CES5A: variants seen among roughly 807,000 people sequenced by gnomAD.
CES5A encodes carboxylesterase 5A.
Under a neutral mutation model 62.9 loss-of-function variants are expected in CES5A, and 67 were observed. That is an observed-to-expected ratio of 1.07 (90% CI 0.88 to 1.31). CES5A has a LOEUF of 1.31. CES5A is among the 50% of genes most tolerant of loss of function. The probability of loss-of-function intolerance (pLI) is 0.00; values close to 1 mark genes in which losing one functional copy is unlikely to be tolerated. For missense variants in CES5A, 748 were observed against 708.5 expected, an observed-to-expected ratio of 1.06 and a Z score of -0.63; for synonymous variants, 296 against 280.8, an observed-to-expected ratio of 1.05 and a Z score of -0.54.
chr16:55,875,820 C>T (rs749103862), upstream of CES5A, among the ~76,000 whole-genome samples: 4 of 152,140 alleles, frequency 2.6e-5, no homozygotes, highest in African/African-American at 4.8e-5. Context: ...TAGTTGCCAC[C>T]GAAAAGATTC....
intron 1 of CES5A, among the ~76,000 whole-genome samples, chr16:55,915,603 C>A (rs1393606927): frequency 6.6e-6 from 1 of 152,088 alleles, no homozygotes; most frequent in Non-Finnish European, 1.5e-5. Context: ...ATTGTGCTAA[C>A]AACAAGGTCT....
chr16:55,937,411 A>T (rs2034388142), intron 2 of CES5A, among the ~76,000 whole-genome samples: 4 of 152,164 alleles, frequency 2.6e-5, no homozygotes, highest in Admixed American at 2.6e-4. Flanking sequence ...AGGCTTACCT[A>T]AAGGCCTCCA....
upstream of CES5A, among the ~76,000 whole-genome samples, chr16:55,925,860 T>G (rs1157786112): frequency 6.6e-6 from 1 of 151,922 alleles, no homozygotes. Context: ...ACCTACAGAA[T>G]AGGAGAAAAT....
chr16:55,883,727 A>G (rs920366828), intron 1 of CES5A, among the ~76,000 whole-genome samples: 15 of 152,254 alleles, frequency 9.9e-5, no homozygotes, highest in East Asian at 3.9e-4. Context: ...CGCTTCCCCA[A>G]TGTGATAGCT....
chr16:55,870,696 C>T (rs1323282682), intron 3 of CES5A, among the ~76,000 whole-genome samples: 2 of 151,138 alleles, frequency 1.3e-5, no homozygotes, highest in Non-Finnish European at 3.0e-5. Flanking sequence ...AGACTCTGTC[C>T]CAAAAAAAAG....
chr16:55,892,706 TAACAAC>T (rs1164246246), intron 1 of CES5A, among the ~76,000 whole-genome samples: 5 of 140,346 alleles, frequency 3.6e-5, no homozygotes, highest in Admixed American at 1.4e-4. Flanking sequence ...GCTCACACTC[TAACAAC>T]AACAACAACA....
intron 1 of CES5A, among the ~76,000 whole-genome samples, chr16:55,955,005 G>T (rs1375807608): frequency 6.6e-6 from 1 of 152,140 alleles, no homozygotes; most frequent in Non-Finnish European, 1.5e-5. Flanking sequence ...TTGTCCAAAT[G>T]TCCTCCAAAG....
intron 8 of CES5A, among the ~76,000 whole-genome samples, chr16:55,856,936 G>A (rs1376035284): frequency 6.6e-6 from 1 of 152,230 alleles, no homozygotes; most frequent in Non-Finnish European, 1.5e-5. Flanking sequence ...CTAGAACTGT[G>A]AGAACATGAA....
chr16:55,880,340 A>G (rs2033748269), upstream of CES5A, among the ~76,000 whole-genome samples: 1 of 152,198 alleles, frequency 6.6e-6, no homozygotes, highest in South Asian at 2.1e-4. Context: ...GGAACCCTCA[A>G]CAGAAGGGTC....
At chr16:55,873,255 C>CT (rs1325120435) in intron 2 of CES5A, among the ~76,000 whole-genome samples, 1 of 152,158 alleles carries the variant, frequency 6.6e-6, no homozygotes, top group Admixed American at 6.5e-5. Context: ...CCAGGAGCTC[C>CT]TTACCTCCCA....
rs558769119 is a variant in CES5A, at chr16:55,909,099, A to G, written c.-256+16224T>C. Among the ~76,000 whole-genome samples, 3 of 152,330 alleles carry G rather than the reference A, an allele frequency of 2.0e-5. No homozygotes were observed. The South Asian group carries it at 6.2e-4, about 32-fold the overall frequency. On this transcript the variant is annotated intron_variant, in intron 1 of 12. Coordinates refer to the CES5A transcript ENST00000518005. The stretch of plus-strand genomic sequence containing the variant: ...ATGGGATTTGTAACAAGCCCACAAA[A>G]GGGCAATTTTCATTTGCCTTCGTTT...
At chr16:55,895,042 A>G (rs1283613110) in intron 1 of CES5A, among the ~76,000 whole-genome samples, 2 of 152,108 alleles carry the variant, frequency 1.3e-5, no homozygotes, top group Non-Finnish European at 2.9e-5. Context: ...TTCAGAAAAA[A>G]CCTGTAAGAG....
chr16:55,854,951 C>T (rs138849300), intron 9 of CES5A, among the ~76,000 whole-genome samples: 393 of 152,324 alleles, frequency 2.6e-3, no homozygotes, highest in South Asian at 0.025. Context: ...TCTCCTGCTG[C>T]AGCCAACCCT....
At chr16:55,918,781 T>C (rs1164144401) in intron 1 of CES5A, among the ~76,000 whole-genome samples, 1 of 152,234 alleles carries the variant, frequency 6.6e-6, no homozygotes, top group East Asian at 1.9e-4. Flanking sequence ...TGTCTGAATC[T>C]GGAGTTGGGA....
chr16:55,859,400 GA>G, intron 8 of CES5A, 146 bp downstream of exon 8: 4 of 700,850 alleles, frequency 5.7e-6, no homozygotes, highest in African/African-American at 1.8e-5. Context: ...CCCTCTTTCA[GA>G]GAGAGTAAAG....
intron 2 of CES5A, among the ~76,000 whole-genome samples, chr16:55,873,427 A>G (rs757976217): frequency 2.0e-5 from 3 of 152,098 alleles, no homozygotes; most frequent in Admixed American, 6.5e-5. Flanking sequence ...CTGACCATAG[A>G]GCCAGGCTTG....
chr16:55,899,554 C>G (rs1400972601), intron 1 of CES5A, among the ~76,000 whole-genome samples: 1 of 152,178 alleles, frequency 6.6e-6, no homozygotes, highest in Non-Finnish European at 1.5e-5. Flanking sequence ...TCAGAAGAGC[C>G]TCTGGTGCCA....
chr16:55,860,253 A>G (rs1296824023), intron 7 of CES5A, among the ~76,000 whole-genome samples: 1 of 152,108 alleles, frequency 6.6e-6, no homozygotes, highest in Non-Finnish European at 1.5e-5. Flanking sequence ...CTGTGAGTTT[A>G]TTAAACCTCT....
chr16:55,876,668 G>A, upstream of CES5A, among the ~76,000 whole-genome samples: 1 of 152,202 alleles, frequency 6.6e-6, no homozygotes, highest in East Asian at 1.9e-4. Context: ...GGTTCTCCAG[G>A]AGGATAGTGA....
Sources: gnomAD v4.1 joint callset for allele counts (sites outside exome capture counted in the v4.1 genomes callset) on GRCh38, gnomAD v4.1.1 for gene constraint, MANE v1.5 for transcripts, NCBI Gene and HGNC (gene_info 2026-07-23, HGNC 2026-07-21) for gene names.